MYOM1: variants seen among roughly 807,000 people sequenced by gnomAD.
MYOM1 encodes the protein myomesin-1.
Under a neutral mutation model 205.3 loss-of-function variants are expected in MYOM1, and 164 were observed. The ratio of observed to expected loss-of-function variants is 0.80; its 90% CI spans 0.70 to 0.91. The LOEUF (loss-of-function observed/expected upper bound fraction) is 0.91, where lower values mean the gene tolerates loss of function less well. Among genes scored for constraint, MYOM1 ranks in the 40% least tolerant of loss-of-function variants. The pLI is 0.00. For missense variants in MYOM1, 2,011 were observed against 2,127.3 expected (o/e 0.95, Z 1.08); for synonymous variants, 772 against 789.4 (o/e 0.98, Z 0.37).
chr18:3,126,741 C>T lies in MYOM1; in HGVS notation c.2951G>A (p.Arg984Lys), dbSNP rs1482537072. Reference sequence around the variant, plus strand: ...ACTGACAGCCTTGACATTGGCTTCTCTCCATTTTCCTGGTACCCCATCAAT... The same window carrying T: ...ACTGACAGCCTTGACATTGGCTTCTTTCCATTTTCCTGGTACCCCATCAAT... ...EVIDGVPGKW[R>K]EANVKAVSEE... Residue 984 changes from arginine to lysine, a missense_variant, in exon 19 of 38, where the codon AGA becomes AAA. Coordinates refer to ENST00000356443, the MANE Select transcript of MYOM1 (RefSeq NM_003803.4). 1 of 1,613,710 alleles carries T rather than the reference C, an allele frequency of 6.2e-7. No homozygotes were observed. Among genetic ancestry groups the T allele is most frequent in the Non-Finnish European group, 8.5e-7 (1 of 1,179,832 alleles).
At position 3,187,606 on chromosome 18, in the gene MYOM1, A is replaced by G; in HGVS notation, c.803T>C (p.Leu268Pro). ...LEETETYHAK[L>P]NEDHLLHAPE... Reference sequence around the variant, plus strand: ...AGCATGGAGAAGATGGTCTTCATTCAGCTTGGCATGATATGTCTCGGTTTC... The same window carrying G: ...AGCATGGAGAAGATGGTCTTCATTCGGCTTGGCATGATATGTCTCGGTTTC... The change falls in exon 5 of 38, where the codon CTG becomes CCG. Residue 268 changes from leucine (L) to proline (P), a missense_variant. Transcript: ENST00000356443. 6.2e-7 allele frequency: 1 copy of G among 1,611,616 alleles called. No homozygotes were observed. The highest frequency in any genetic ancestry group is 8.5e-7 in the Non-Finnish European group (1 of 1,178,040).
chr18:3,141,922 T>G lies in MYOM1; in HGVS notation c.2025+17A>C. On this transcript the variant is annotated intron_variant, in intron 14 of 37. Transcript: ENST00000356443. The stretch of plus-strand genomic sequence containing the variant: ...CTTAGGAGGTAGTATGAGGTCATGT[T>G]GATTCTAGAGTCTTACCTTTTCCAC... 6.2e-7 allele frequency: 1 copy of G among 1,613,384 alleles called. No individual in the cohort carries two copies. The highest frequency in any genetic ancestry group is 1.1e-5 in the South Asian group (1 of 91,052).
Position 3,163,496 on chromosome 18 carries a change from A to T in MYOM1, c.1501+782T>A, listed in dbSNP as rs1189393690. Among the ~76,000 whole-genome samples the T allele has an allele frequency of 2.0e-5, 3 of 152,124 alleles. No homozygotes were observed. In the East Asian group the frequency reaches 5.8e-4, roughly 29 times the overall value. ...GAGACAGGGTCTCACTCTGTCACCC[A>T]GGCTGGAGTGCAGTGGCATAATCTC... On this transcript the variant is annotated intron_variant, in intron 10 of 37. Coordinates refer to ENST00000356443, the MANE Select transcript of MYOM1 (RefSeq NM_003803.4).
At chr18:3,203,827 A>C in intron 2 of MYOM1, among the ~76,000 whole-genome samples, 1 of 151,866 alleles carries the variant, frequency 6.6e-6, no homozygotes, top group East Asian at 1.9e-4. Context: ...CGTTATAATA[A>C]AAGGAAACTA....
At chr18:3,119,841 G>C in intron 20 of MYOM1, 28 bp downstream of exon 20, 3 of 1,583,188 alleles carry the variant, frequency 1.9e-6, no homozygotes, top group Non-Finnish European at 2.6e-6. Flanking sequence ...TCCGAGGTGC[G>C]GTGTGGAGGC....
chr18:3,112,838 T>C (rs778353863), intron 21 of MYOM1, among the ~76,000 whole-genome samples: 3 of 152,198 alleles, frequency 2.0e-5, no homozygotes, highest in Non-Finnish European at 4.4e-5. Context: ...TAATTTCAGA[T>C]GGAATTCTTG....
chr18:3,209,599 T>C lies in MYOM1; in HGVS notation c.290+5335A>G, dbSNP rs2081167416. ...ACATCCTCTCCACCTGCACTATCCA[T>C]CACTCCCCCATTCCCTTGCATGGGC... On this transcript the variant is annotated intron_variant, in intron 2 of 37. Transcript: ENST00000356443. The surrounding 1 kb of genome is among the most constrained non-coding windows in gnomAD (Gnocchi z 4.0). 1.3e-5 allele frequency among the ~76,000 whole-genome samples: 2 copies of C among 152,156 alleles called. No homozygotes were observed. Among genetic ancestry groups the C allele is most frequent in the Admixed American group, 1.3e-4 (2 of 15,268 alleles).
chr18:3,146,388 A>G (rs965436551), intron 13 of MYOM1, among the ~76,000 whole-genome samples: 8 of 152,158 alleles, frequency 5.3e-5, no homozygotes, highest in Non-Finnish European at 8.8e-5. Flanking sequence ...TATAAAAAGG[A>G]TAACACAGCA....
At chr18:3,112,955 A>G (rs2143803599) in intron 21 of MYOM1, among the ~76,000 whole-genome samples, 1 of 152,286 alleles carries the variant, frequency 6.6e-6, no homozygotes, top group South Asian at 2.1e-4. Context: ...TGTAAATTTA[A>G]TATAGCTATT....
At chr18:3,072,349 G>GTTTTTTTTTT (rs1428461658) in intron 36 of MYOM1, among the ~76,000 whole-genome samples, 1 of 60,148 alleles carries the variant, frequency 1.7e-5, no homozygotes, top group African/African-American at 1.3e-4. Flanking sequence ...ACCGCACCCG[G>GTTTTTTTTTT]CTTTTTTTTT....
At chr18:3,232,888 T>C in the MYOM1 span, among the ~76,000 whole-genome samples, 3 of 152,260 alleles carry the variant, frequency 2.0e-5, no homozygotes. Context: ...TTTCTATTAA[T>C]ATTTTTCATT....
chr18:3,224,868 T>C (rs1001670302), upstream of MYOM1, among the ~76,000 whole-genome samples: 23 of 152,316 alleles, frequency 1.5e-4, no homozygotes, highest in African/African-American at 5.5e-4. Flanking sequence ...GGTTTCACCA[T>C]CTTGGCCAGG....
At chr18:3,119,621 C>A (rs1446133356) in intron 20 of MYOM1, among the ~76,000 whole-genome samples, 1 of 152,174 alleles carries the variant, frequency 6.6e-6, no homozygotes, top group African/African-American at 2.4e-5. Context: ...TCCTACTCCT[C>A]GCACAGGCTG....
intron 2 of MYOM1, among the ~76,000 whole-genome samples, chr18:3,203,665 T>C (rs545615859): frequency 1.5e-4 from 23 of 151,266 alleles, no homozygotes; most frequent in Non-Finnish European, 3.1e-4. Context: ...GAAAAGTCCA[T>C]GCCCAAATAG....
At position 3,083,823 on chromosome 18, in the gene MYOM1, A is replaced by G. The variant is rs1361605323; in HGVS notation, c.4450T>C (p.Tyr1484His). ...CAGTTAACTTTCAAATCCTCCACATAGTAAGTTACAAAAGAGTACAGTTGG... is the reference window on the plus strand; with the variant it reads ...CAGTTAACTTTCAAATCCTCCACATGGTAAGTTACAAAAGAGTACAGTTGG... ...GIQLYSFVTY[Y>H]VEDLKVNWSH... is the part of the protein sequence containing the mutation. Residue 1484 changes from tyrosine (Y) to histidine (H), a missense_variant, in exon 33 of 38, where the codon TAT becomes CAT. Transcript: ENST00000356443. 3.8e-6 allele frequency: 6 copies of G among 1,579,180 alleles called. No individual in the cohort carries two copies. The highest frequency in any genetic ancestry group is 5.2e-6 in the Non-Finnish European group (6 of 1,161,132).
intron 3 of MYOM1, among the ~76,000 whole-genome samples, chr18:3,193,339 T>C (rs989678177): frequency 2.4e-5 from 3 of 125,954 alleles, no homozygotes; most frequent in African/African-American, 1.1e-4. Flanking sequence ...CATATATATG[T>C]ACATATACAT....
intron 10 of MYOM1, among the ~76,000 whole-genome samples, chr18:3,155,379 G>C (rs758232456): frequency 6.6e-6 from 1 of 152,212 alleles, no homozygotes; most frequent in Non-Finnish European, 1.5e-5. Flanking sequence ...CCGCCACCAC[G>C]CCCAGCTAAT....
chr18:3,236,154 G>A, the MYOM1 span, among the ~76,000 whole-genome samples: 1 of 150,946 alleles, frequency 6.6e-6, no homozygotes, highest in African/African-American at 2.5e-5. Flanking sequence ...CGTAAGTAGA[G>A]GTGGTAGGAC....
intron 2 of MYOM1, among the ~76,000 whole-genome samples, chr18:3,198,237 C>T (rs927884879): frequency 3.3e-5 from 5 of 152,150 alleles, no homozygotes; most frequent in Admixed American, 3.3e-4. Flanking sequence ...ATGTTATTTT[C>T]TGAAAACATT....
Sources: allele counts gnomAD v4.1 joint callset (sites outside exome capture counted in the v4.1 genomes callset), GRCh38; gene constraint gnomAD v4.1.1; non-coding constraint Gnocchi (gnomAD v3.1); transcripts MANE v1.5; gene names NCBI Gene and HGNC (gene_info 2026-07-23, HGNC 2026-07-21).